LRRTM4: variants seen among roughly 807,000 people sequenced by gnomAD.
LRRTM4 encodes the protein leucine-rich repeat transmembrane neuronal protein 4.
LRRTM4 carries 25 observed loss-of-function variants against 47.6 expected under a neutral mutation model. That is an observed-to-expected ratio of 0.53 (90% CI 0.38 to 0.73). LRRTM4 has a LOEUF of 0.73. Among genes scored for constraint, LRRTM4 ranks in the 30% least tolerant of loss-of-function variants. The probability of loss-of-function intolerance (pLI) is 0.00; values close to 1 mark genes in which losing one functional copy is unlikely to be tolerated. For missense variants in LRRTM4, 638 were observed against 713.4 expected (o/e 0.89, Z 1.20); for synonymous variants, 311 against 269.5 (o/e 1.15, Z -1.51).
chr2:77,123,213 CAGAGAGAGAGAG>C (rs56149151), intron 3 of LRRTM4, among the ~76,000 whole-genome samples: 1 of 142,890 alleles, frequency 7.0e-6, no homozygotes, highest in Non-Finnish European at 1.5e-5. Flanking sequence ...TTCAGTCTCA[CAGAGAGAGAGAG>C]AGAGAGAGAG....
chr2:77,347,484 AGAAC>A (rs1314486521), intron 3 of LRRTM4, among the ~76,000 whole-genome samples: 2 of 152,198 alleles, frequency 1.3e-5, no homozygotes, highest in African/African-American at 2.4e-5. Context: ...AATAAACTGT[AGAAC>A]ACTATATTAC....
At chr2:77,165,322 T>C (rs992838584) in intron 3 of LRRTM4, among the ~76,000 whole-genome samples, 1 of 152,028 alleles carries the variant, frequency 6.6e-6, no homozygotes, top group Admixed American at 6.6e-5. Flanking sequence ...CAATAATTAA[T>C]AGCTTACCAA....
At chr2:76,875,467 T>C (rs951499068) in intron 3 of LRRTM4, among the ~76,000 whole-genome samples, 1 of 152,146 alleles carries the variant, frequency 6.6e-6, no homozygotes, top group Non-Finnish European at 1.5e-5. Flanking sequence ...ATAGCTCATA[T>C]GTGACATAAG....
intron 3 of LRRTM4, among the ~76,000 whole-genome samples, chr2:77,252,925 T>G (rs1380792446): frequency 6.6e-6 from 1 of 152,188 alleles, no homozygotes; most frequent in Non-Finnish European, 1.5e-5. Flanking sequence ...CTTCTTCCTA[T>G]GCCTTCATAT....
intron 3 of LRRTM4, among the ~76,000 whole-genome samples, chr2:76,909,472 A>T (rs1673970960): frequency 6.6e-6 from 1 of 152,044 alleles, no homozygotes; most frequent in Non-Finnish European, 1.5e-5. Flanking sequence ...AGCAATGGCA[A>T]CAAAAGACAA....
At chr2:76,892,221 T>C (rs1266219441) in intron 3 of LRRTM4, among the ~76,000 whole-genome samples, 1 of 151,626 alleles carries the variant, frequency 6.6e-6, no homozygotes, top group Non-Finnish European at 1.5e-5. Flanking sequence ...AAAACTTTCT[T>C]AGGACAGTTA....
intron 3 of LRRTM4, among the ~76,000 whole-genome samples, chr2:77,051,653 G>C (rs1679436571): frequency 6.6e-6 from 1 of 152,014 alleles, no homozygotes; most frequent in African/African-American, 2.4e-5. Context: ...TTTTCTCTGG[G>C]ATAGATAGTA....
intron 3 of LRRTM4, among the ~76,000 whole-genome samples, chr2:77,211,658 T>C (rs528557480): frequency 3.9e-5 from 6 of 152,250 alleles, no homozygotes; most frequent in African/African-American, 1.4e-4. Flanking sequence ...AAAATATGGA[T>C]AGGTAAATTC....
intron 3 of LRRTM4, among the ~76,000 whole-genome samples, chr2:76,800,487 A>C (rs1215348033): frequency 6.9e-6 from 1 of 145,396 alleles, no homozygotes; most frequent in Non-Finnish European, 1.5e-5. Flanking sequence ...TTAGACCTAA[A>C]ACCATAAAAA....
Position 76,776,327 on chromosome 2 carries a change from C to G in LRRTM4, c.1552-27411G>C, listed in dbSNP as rs556576975. On this transcript the variant is annotated intron_variant, in intron 3 of 3. Transcript: ENST00000409884. The stretch of plus-strand genomic sequence containing the variant: ...TTCCAGTTCCAGATCCCTGAGGAAT[C>G]GCCACACTGACTTCCACAATGGTTG... Among the ~76,000 whole-genome samples, 37 of 152,230 alleles carry G rather than the reference C, an allele frequency of 2.4e-4. No individual in the cohort carries two copies. The East Asian group carries it at 5.0e-3, about 21-fold the overall frequency.
chr2:76,762,692 A>T (rs186661471), intron 3 of LRRTM4, among the ~76,000 whole-genome samples: 6 of 152,246 alleles, frequency 3.9e-5, no homozygotes, highest in African/African-American at 1.4e-4. Context: ...AGGTGTGGTG[A>T]CTCATGCCTG....
chr2:77,400,330 G>A (rs562266045), intron 3 of LRRTM4, among the ~76,000 whole-genome samples: 2 of 151,610 alleles, frequency 1.3e-5, no homozygotes, highest in Non-Finnish European at 2.9e-5. Flanking sequence ...TGAGTAATTG[G>A]CCCTACAATT....
intron 3 of LRRTM4, among the ~76,000 whole-genome samples, chr2:77,055,379 GGACAT>G (rs1679568260): frequency 6.6e-6 from 1 of 152,140 alleles, no homozygotes; most frequent in Non-Finnish European, 1.5e-5. Context: ...CTAACATGAA[GGACAT>G]GAACAGACAC....
chr2:77,240,383 T>G (rs1675224367), intron 3 of LRRTM4, among the ~76,000 whole-genome samples: 2 of 151,966 alleles, frequency 1.3e-5, no homozygotes, highest in Admixed American at 1.3e-4. Context: ...GGATTTTAAG[T>G]ATTTGCTGAA....
At chr2:76,981,700 C>T (rs959260613) in intron 3 of LRRTM4, among the ~76,000 whole-genome samples, 1 of 151,866 alleles carries the variant, frequency 6.6e-6, no homozygotes, top group African/African-American at 2.4e-5. Flanking sequence ...GTTATTTTGC[C>T]AGGGCTCTTC....
intron 3 of LRRTM4, among the ~76,000 whole-genome samples, chr2:77,411,526 C>T (rs1266737055): frequency 1.4e-5 from 2 of 144,152 alleles, no homozygotes; most frequent in Non-Finnish European, 3.0e-5. Flanking sequence ...GATCTCGGCT[C>T]ACTGCAAGCT....
chr2:77,424,813 T>C (rs150591723), intron 3 of LRRTM4, among the ~76,000 whole-genome samples: 3 of 152,324 alleles, frequency 2.0e-5, no homozygotes, highest in African/African-American at 4.8e-5. Flanking sequence ...GTGGAAGTTA[T>C]ACTATATTTG....
At chr2:76,843,821 A>G (rs1671757860) in intron 3 of LRRTM4, among the ~76,000 whole-genome samples, 1 of 152,108 alleles carries the variant, frequency 6.6e-6, no homozygotes, top group African/African-American at 2.4e-5. Context: ...ATTTCTCATT[A>G]TGAAAAGTAA....
chr2:77,298,299 C>T (rs955475385), intron 3 of LRRTM4, among the ~76,000 whole-genome samples: 3 of 152,152 alleles, frequency 2.0e-5, no homozygotes, highest in Admixed American at 6.5e-5. Context: ...TGCAGTGGCA[C>T]GATCTCGGCT....
Sources: allele counts gnomAD v4.1 joint callset (sites outside exome capture counted in the v4.1 genomes callset), GRCh38; gene constraint gnomAD v4.1.1; transcripts MANE v1.5; gene names NCBI Gene and HGNC (gene_info 2026-07-23, HGNC 2026-07-21).